SSBP2: variants seen among roughly 807,000 people sequenced by gnomAD.
The protein encoded by SSBP2 is single stranded DNA binding protein 2, also known as single-stranded DNA-binding protein 2.
Under a neutral mutation model 61.8 loss-of-function variants are expected in SSBP2, and 17 were observed. That is an observed-to-expected ratio of 0.28 (90% CI 0.19 to 0.41). The LOEUF (loss-of-function observed/expected upper bound fraction) is 0.41. SSBP2 is among the 10% of genes least tolerant of loss of function. SSBP2 has a pLI of 1.00. For missense variants in SSBP2, 310 were observed against 458.7 expected, an observed-to-expected ratio of 0.68 and a Z score of 2.96; for synonymous variants, 139 against 141.3, an observed-to-expected ratio of 0.98 and a Z score of 0.12.
At chr5:81,569,888 G>A (rs971963932) in intron 4 of SSBP2, among the ~76,000 whole-genome samples, 2 of 152,048 alleles carry the variant, frequency 1.3e-5, no homozygotes, top group Non-Finnish European at 2.9e-5. Flanking sequence ...TAATAATCAT[G>A]GTAGTGTAAA....
intron 4 of SSBP2, among the ~76,000 whole-genome samples, chr5:81,571,250 T>A (rs756397363): frequency 3.9e-5 from 6 of 152,234 alleles, no homozygotes; most frequent in Non-Finnish European, 8.8e-5. Context: ...AGGTTTTGAA[T>A]ATGTGCTTTG....
At chr5:81,748,540 T>C (rs1208099051) in intron 1 of SSBP2, among the ~76,000 whole-genome samples, 3 of 152,186 alleles carry the variant, frequency 2.0e-5, no homozygotes, top group South Asian at 2.1e-4. Context: ...CCTACGTCGA[T>C]GTTTGTCTTA....
At chr5:81,701,054 A>C (rs1006468851) in intron 1 of SSBP2, among the ~76,000 whole-genome samples, 3 of 151,884 alleles carry the variant, frequency 2.0e-5, no homozygotes, top group African/African-American at 7.2e-5. Flanking sequence ...CCTAGCTTTC[A>C]GTCTATCTTG....
At chr5:81,482,254 G>A (rs1766047767) in intron 6 of SSBP2, among the ~76,000 whole-genome samples, 1 of 152,040 alleles carries the variant, frequency 6.6e-6, no homozygotes, top group Non-Finnish European at 1.5e-5. Context: ...GATTTAATAA[G>A]TTTTAAGGGA....
intron 4 of SSBP2, among the ~76,000 whole-genome samples, chr5:81,546,670 A>G (rs1401311396): frequency 6.6e-6 from 1 of 152,216 alleles, no homozygotes; most frequent in African/African-American, 2.4e-5. Flanking sequence ...TAATTTTCTT[A>G]GAACAACTAT....
intron 4 of SSBP2, among the ~76,000 whole-genome samples, chr5:81,562,760 T>G (rs534633655): frequency 6.6e-6 from 1 of 152,094 alleles, no homozygotes. Flanking sequence ...CAACGAATAA[T>G]CAGATATTCA....
chr5:81,699,937 C>T (rs1471674286), intron 1 of SSBP2, among the ~76,000 whole-genome samples: 1 of 150,424 alleles, frequency 6.6e-6, no homozygotes, highest in Non-Finnish European at 1.5e-5. Flanking sequence ...TGTGCTTCAG[C>T]CTCAACCTCC....
rs555471135 is a variant in SSBP2 at position 81,599,609 on chromosome 5, C to T, written c.282+15864G>A. ...TCAGGAAAGGATTTTACCAAGGACA[C>T]GTGCCTTTGCACACGCTGTTCCCTC... On this transcript the variant is annotated intron_variant, in intron 4 of 16. Coordinates refer to ENST00000320672, the MANE Select transcript of SSBP2 (RefSeq NM_012446.5). Among the ~76,000 whole-genome samples, 43 of 152,354 alleles carry T rather than the reference C, an allele frequency of 2.8e-4. No individual in the cohort carries two copies. The South Asian group carries it at 6.2e-3, about 22-fold the overall frequency.
intron 4 of SSBP2, among the ~76,000 whole-genome samples, chr5:81,587,757 G>A (rs888038955): frequency 1.4e-4 from 19 of 132,668 alleles, no homozygotes; most frequent in Middle Eastern, 3.5e-3. Context: ...GCACACACAC[G>A]CGCGCGCACA....
chr5:81,663,427 A>C (rs1750858412), intron 1 of SSBP2, among the ~76,000 whole-genome samples: 1 of 151,178 alleles, frequency 6.6e-6, no homozygotes, highest in Non-Finnish European at 1.5e-5. Flanking sequence ...GTATCACAGA[A>C]AAGATTTTTT....
intron 4 of SSBP2, among the ~76,000 whole-genome samples, chr5:81,540,907 G>C (rs142180596): frequency 6.7e-6 from 1 of 150,374 alleles, no homozygotes; most frequent in Non-Finnish European, 1.5e-5. Flanking sequence ...GTCCTAGCCA[G>C]ATCAATTGGG....
At chr5:81,680,615 T>G (rs1311411640) in intron 1 of SSBP2, among the ~76,000 whole-genome samples, 1 of 152,082 alleles carries the variant, frequency 6.6e-6, no homozygotes, top group African/African-American at 2.4e-5. Context: ...CCAGAGTAGC[T>G]ATATTAATTT....
intron 12 of SSBP2, among the ~76,000 whole-genome samples, chr5:81,446,367 CT>C (rs1328452878): frequency 1.3e-5 from 2 of 152,050 alleles, no homozygotes; most frequent in Non-Finnish European, 2.9e-5. Context: ...AGATAAAAAA[CT>C]TTTATTATTA....
In SSBP2 at chr5:81,568,561, C is replaced by T. The variant is rs116837634; in HGVS notation, c.282+46912G>A. Among the ~76,000 whole-genome samples the T allele has an allele frequency of 5.8e-3, 882 of 152,288 alleles. 7 individuals carry two copies. Among genetic ancestry groups the T allele is most frequent in the African/African-American group, 0.02 (826 of 41,556 alleles). ...AAACTGAATCCTTATGAGAGTAAGA[C>T]AACTTTACTCTGTCCCATAGTTTAC... is the stretch of plus-strand genomic sequence containing the variant. On this transcript the variant is annotated intron_variant, in intron 4 of 16. Coordinates refer to ENST00000320672, the MANE Select transcript of SSBP2 (RefSeq NM_012446.5).
At chr5:81,606,646 T>A (rs779681605) in intron 4 of SSBP2, among the ~76,000 whole-genome samples, 16 of 152,340 alleles carry the variant, frequency 1.1e-4, no homozygotes, top group Non-Finnish European at 1.9e-4. Context: ...CCATTTATAT[T>A]CCAAATGTAA....
intron 4 of SSBP2, among the ~76,000 whole-genome samples, chr5:81,549,505 T>C (rs1306392434): frequency 1.3e-5 from 2 of 152,190 alleles, no homozygotes; most frequent in East Asian, 3.8e-4. Context: ...CCTACTTGTG[T>C]TATTGTATAT....
At chr5:81,515,740 G>C (rs1428547411) in intron 4 of SSBP2, among the ~76,000 whole-genome samples, 1 of 151,250 alleles carries the variant, frequency 6.6e-6, no homozygotes, top group Admixed American at 6.6e-5. Flanking sequence ...ATGCTAGGTT[G>C]GTAGGGTTTT....
intron 2 of SSBP2, 60 bp from the exon 3 acceptor site, chr5:81,636,678 A>C: frequency 1.7e-6 from 2 of 1,182,490 alleles, no homozygotes; most frequent in African/African-American, 1.5e-5. Flanking sequence ...ACATATTACA[A>C]AGTAATAATA....
At chr5:81,422,177 G>A (rs1761655237) in intron 16 of SSBP2, among the ~76,000 whole-genome samples, 1 of 152,150 alleles carries the variant, frequency 6.6e-6, no homozygotes, top group African/African-American at 2.4e-5. Context: ...CTAACCAGAA[G>A]CTGTGATAAT....
Sources: gnomAD v4.1 joint callset for allele counts (sites outside exome capture counted in the v4.1 genomes callset) on GRCh38, gnomAD v4.1.1 for gene constraint, MANE v1.5 for transcripts, NCBI Gene and HGNC (gene_info 2026-07-23, HGNC 2026-07-21) for gene names.